Variants in PARP16 observed in about 807,000 individuals in gnomAD.
PARP16 encodes poly(ADP-ribose) polymerase family member 16.
Under a neutral mutation model 35.0 loss-of-function variants are expected in PARP16, and 31 were observed. That is an observed-to-expected ratio of 0.88 (90% CI 0.66 to 1.19). The LOEUF (loss-of-function observed/expected upper bound fraction) is 1.19, where lower values mean the gene tolerates loss of function less well. PARP16 is among the 50% of genes most tolerant of loss of function. The pLI is 0.00. For synonymous variants in PARP16, 162 were observed against 169.5 expected, an observed-to-expected ratio of 0.96 and a Z score of 0.34; for missense variants, 424 against 411.2, an observed-to-expected ratio of 1.03 and a Z score of -0.27.
chr15:65,239,223 C>T (rs996025535), intron 3 of PARP16, among the ~76,000 whole-genome samples: 12 of 151,250 alleles, frequency 7.9e-5, no homozygotes, highest in East Asian at 3.9e-4. Context: ...GTCAAGAGAT[C>T]GAGACCATCC....
chr15:65,232,473 T>C (rs898632365), downstream of PARP16, among the ~76,000 whole-genome samples: 76 of 152,334 alleles, frequency 5.0e-4, no homozygotes, highest in African/African-American at 1.8e-3. Flanking sequence ...ACATTGTGCT[T>C]ATAGTTAATA....
chr15:65,234,110 A>T (rs2088820502), downstream of PARP16, among the ~76,000 whole-genome samples: 1 of 152,188 alleles, frequency 6.6e-6, no homozygotes, highest in Non-Finnish European at 1.5e-5. Context: ...CCTCGGGAAA[A>T]TGCACATACA....
At chr15:65,234,632 T>A (rs2088828895) in exon 4 of PARP16, 1 of 152,250 alleles carries the variant, frequency 6.6e-6, no homozygotes, top group African/African-American at 2.4e-5. Context: ...GCTAGGTAGC[T>A]CTTGCTCTGG....
At chr15:65,242,577 A>C (rs2089108582) in intron 3 of PARP16, among the ~76,000 whole-genome samples, 1 of 152,056 alleles carries the variant, frequency 6.6e-6, no homozygotes, top group Non-Finnish European at 1.5e-5. Context: ...CCTGTTTTGG[A>C]GTTCTGATGG....
At position 65,266,707 on chromosome 15, in the gene PARP16, AG is replaced by A; in HGVS notation, c.373del (p.Leu125CysfsTer23). 1 of 1,614,192 alleles carries A rather than the reference AG, an allele frequency of 6.2e-7. No individual in the cohort carries two copies. Among genetic ancestry groups the A allele is most frequent in the Non-Finnish European group, 8.5e-7 (1 of 1,180,012 alleles). ...PHTPVPAPDF[L>X]FEIEYFDPAN... Reference sequence around the variant, plus strand: ...TGGGTCAAAGTACTCAATTTCAAACAGGAAGTCCGGTGCAGGAACAGGCGTG... The same window carrying A: ...TGGGTCAAAGTACTCAATTTCAAACAGAAGTCCGGTGCAGGAACAGGCGTG... On this transcript the variant is annotated frameshift_variant, in exon 3 of 6. Transcript: ENST00000649807. LOFTEE classifies it high-confidence loss of function.
At chr15:65,278,092 A>T (rs1229925069) in intron 1 of PARP16, among the ~76,000 whole-genome samples, 1 of 152,156 alleles carries the variant, frequency 6.6e-6, no homozygotes, top group Non-Finnish European at 1.5e-5. Flanking sequence ...AAGTGAGCAG[A>T]GTGTGTCCCA....
At position 65,260,974 on chromosome 15, in the gene PARP16, T is replaced by TC; in HGVS notation, c.743dup (p.Asp249ArgfsTer12). The TC allele has an allele frequency of 6.2e-7, 1 of 1,613,512 alleles. No homozygotes were observed. Among genetic ancestry groups the TC allele is most frequent in the South Asian group, 1.1e-5 (1 of 91,052 alleles). On this transcript the variant is annotated frameshift_variant, in exon 5 of 6. Coordinates refer to ENST00000649807, the MANE Select transcript of PARP16 (RefSeq NM_001316943.2). LOFTEE classifies it high-confidence loss of function. ...CCACGAAGTACTTGGGAGGGATGTC[T>TC]CCCCCTTCACTATGTTTGATTCTCG...
downstream of PARP16, among the ~76,000 whole-genome samples, chr15:65,234,299 A>G (rs575919829): frequency 6.6e-6 from 1 of 152,236 alleles, no homozygotes; most frequent in African/African-American, 2.4e-5. Context: ...AACTTTTGAC[A>G]GCCTCTCCAT....
intron 4 of PARP16, among the ~76,000 whole-genome samples, chr15:65,262,817 T>A (rs1011259182): frequency 6.6e-6 from 1 of 152,128 alleles, no homozygotes; most frequent in Non-Finnish European, 1.5e-5. Flanking sequence ...ACTCACTTTT[T>A]AAAAAAATTC....
chr15:65,234,012 A>T (rs974515049), downstream of PARP16, among the ~76,000 whole-genome samples: 4 of 152,180 alleles, frequency 2.6e-5, no homozygotes, highest in African/African-American at 9.7e-5. Flanking sequence ...CTTAACGTAG[A>T]TATTGAGATA....
At chr15:65,280,039 C>G (rs942975028) in intron 1 of PARP16, among the ~76,000 whole-genome samples, 1 of 151,968 alleles carries the variant, frequency 6.6e-6, no homozygotes, top group Non-Finnish European at 1.5e-5. Context: ...AGACTCCTGC[C>G]TTTTTTCTTT....
intron 2 of PARP16, among the ~76,000 whole-genome samples, chr15:65,250,848 CGT>C (rs1221686379): frequency 2.0e-5 from 3 of 152,022 alleles, no homozygotes; most frequent in East Asian, 1.9e-4. Flanking sequence ...CAGTGGCGCG[CGT>C]GTGTGTGTTT....
At chr15:65,240,286 C>A (rs1488513766) in intron 3 of PARP16, among the ~76,000 whole-genome samples, 1 of 145,282 alleles carries the variant, frequency 6.9e-6, no homozygotes. Flanking sequence ...CCCGCCACCA[C>A]GCCTGGCTAG....
In PARP16 at chr15:65,271,022, G is replaced by A. The variant is rs200995943; in HGVS notation, c.225C>T (p.Ser75=). ...CCCAGGCCCGTTTGTGGTTGTCTCC[G>A]GAGGACTGGAGAAGTTCTTTCAGGT... is the stretch of plus-strand genomic sequence containing the variant. ...LPNLKELLQS[S]GDNHKRAWDL... is the part of the protein sequence containing the mutation. The change falls in exon 2 of 6, where the codon TCC becomes TCT. Residue 75 remains serine, a synonymous_variant. Transcript: ENST00000649807. 48 of 1,613,492 alleles carry A rather than the reference G, an allele frequency of 3.0e-5. No individual in the cohort carries two copies. In the East Asian group the frequency reaches 9.4e-4, roughly 31 times the overall value.
At chr15:65,283,857 C>CA (rs1475602230) in intron 1 of PARP16, among the ~76,000 whole-genome samples, 1 of 152,182 alleles carries the variant, frequency 6.6e-6, no homozygotes, top group Non-Finnish European at 1.5e-5. Context: ...CCTGATACAC[C>CA]ACACTCAGAA....
chr15:65,245,238 C>T (rs1595986476), intron 3 of PARP16, among the ~76,000 whole-genome samples: 3 of 152,332 alleles, frequency 2.0e-5, no homozygotes, highest in South Asian at 2.1e-4. Flanking sequence ...CCTCGCCACC[C>T]CACCTCCTAA....
Position 65,270,947 on chromosome 15 carries a change from T to G in PARP16, c.300A>C (p.Ala100=). 1 of 1,614,178 alleles carries G rather than the reference T, an allele frequency of 6.2e-7. No individual in the cohort carries two copies. Among genetic ancestry groups the G allele is most frequent in the Non-Finnish European group, 8.5e-7 (1 of 1,180,038 alleles). Residue 100 remains alanine (A), a synonymous_variant, in exon 2 of 6, where the codon GCA becomes GCC. Transcript: ENST00000649807. The part of the protein sequence containing the change: ...LSSKVLTIHS[A]GKAEFEKIQK... ...ACCAAAGTCTCACCTCTGCCTTCCC[T>G]GCACTGTGGATTGTCAGGACCTTTG...
At chr15:65,235,834 T>TAAAA (rs144070210) in intron 3 of PARP16, among the ~76,000 whole-genome samples, 8 of 126,232 alleles carry the variant, frequency 6.3e-5, no homozygotes, top group African/African-American at 2.4e-4. Flanking sequence ...GACCCTGTCT[T>TAAAA]AAAAAAAAAA....
chr15:65,268,300 AG>A (rs1406164455), intron 2 of PARP16, among the ~76,000 whole-genome samples: 1 of 152,186 alleles, frequency 6.6e-6, no homozygotes, highest in Non-Finnish European at 1.5e-5. Flanking sequence ...TCTGCTATAG[AG>A]TATGAGCCTC....
Sources: gnomAD v4.1 joint callset for allele counts (sites outside exome capture counted in the v4.1 genomes callset) on GRCh38, gnomAD v4.1.1 for gene constraint, MANE v1.5 for transcripts, NCBI Gene and HGNC (gene_info 2026-07-23, HGNC 2026-07-21) for gene names.